The following SPATA13 variants were observed in gnomAD, a reference collection of about 807,000 sequenced individuals.
SPATA13 encodes the protein spermatogenesis-associated protein 13.
SPATA13 carries 50 observed loss-of-function variants against 104.0 expected under a neutral mutation model. The ratio of observed to expected loss-of-function variants is 0.48; its 90% CI spans 0.38 to 0.61. SPATA13 has a LOEUF of 0.61. Among genes scored for constraint, SPATA13 ranks in the 20% least tolerant of loss-of-function variants. The probability of loss-of-function intolerance (pLI) is 0.00; values close to 1 mark genes in which losing one functional copy is unlikely to be tolerated. For missense variants in SPATA13, 1,524 were observed against 1,690.6 expected (o/e 0.90, Z 1.73); for synonymous variants, 606 against 667.5 (o/e 0.91, Z 1.42).
At chr13:24,301,096 C>T (rs915723748) in intron 12 of SPATA13, among the ~76,000 whole-genome samples, 5 of 152,132 alleles carry the variant, frequency 3.3e-5, no homozygotes, top group Non-Finnish European at 7.3e-5. Context: ...TTTGTCCACA[C>T]AAATCTGGCC....
At chr13:24,023,089 C>T (rs959740495) in intron 3 of SPATA13, among the ~76,000 whole-genome samples, 5 of 152,112 alleles carry the variant, frequency 3.3e-5, no homozygotes, top group Admixed American at 2.6e-4. Flanking sequence ...TCCCTCCCCT[C>T]ACCTCCCACC....
intron 3 of SPATA13, chr13:24,123,461 T>C: frequency 1.9e-6 from 3 of 1,541,816 alleles, no homozygotes; most frequent in Non-Finnish European, 2.7e-6. Flanking sequence ...TATAGATCTT[T>C]TTCTTCAGAA....
In SPATA13 at chr13:24,160,794, C is replaced by G. The variant is rs1882440028; in HGVS notation, c.-250C>G. 1.0e-6 allele frequency: 1 copy of G among 985,492 alleles called. No homozygotes were observed. Among genetic ancestry groups the G allele is most frequent in the Non-Finnish European group, 1.2e-6 (1 of 829,998 alleles). 61.0% of individuals were successfully genotyped at this position (985,492 alleles called of 1,614,324 possible). A position where few individuals can be genotyped will look rare whatever the true frequency, so the allele number is the denominator to read the frequency against. On this transcript the variant is annotated 5_prime_UTR_variant, in exon 1 of 13. Coordinates refer to ENST00000382108, the MANE Select transcript of SPATA13 (RefSeq NM_001166271.3). ...GCGATCGCCCTGCCGGTCGCTAGCT[C>G]CGAGGGCGCGCACTGGATCCCAGGC... is the stretch of plus-strand genomic sequence containing the variant.
At position 24,284,205 on chromosome 13, in the gene SPATA13, T is replaced by C; in HGVS notation, c.2235T>C (p.Tyr745=). Residue 745 remains tyrosine, a synonymous_variant, in exon 5 of 13, where the codon TAT becomes TAC. Transcript: ENST00000382108. ...DDNGSEEDFS[Y]EDLCQASPRY... ...ACGGTAGTGAGGAGGACTTCAGCTA[T>C]GAAGACCTCTGCCAGGCCAGCCCTC... is the stretch of plus-strand genomic sequence containing the variant. The C allele has an allele frequency of 1.1e-5, 17 of 1,613,826 alleles. No homozygotes were observed. Among genetic ancestry groups the C allele is most frequent in the Non-Finnish European group, 1.4e-5 (16 of 1,179,928 alleles).
At chr13:24,269,741 A>T (rs1297608176) in intron 4 of SPATA13, among the ~76,000 whole-genome samples, 4 of 75,912 alleles carry the variant, frequency 5.3e-5, no homozygotes, top group Admixed American at 1.9e-4. Flanking sequence ...GCTAATATAA[A>T]TTTTTTTTTT....
At chr13:24,091,267 A>G (rs768143585) in intron 3 of SPATA13, among the ~76,000 whole-genome samples, 4 of 152,342 alleles carry the variant, frequency 2.6e-5, no homozygotes, top group Middle Eastern at 3.4e-3. Flanking sequence ...AGCCGTGCAC[A>G]TGGGTGTGGC....
chr13:24,274,967 A>C (rs12870498), intron 4 of SPATA13, among the ~76,000 whole-genome samples: 23,046 of 152,066 alleles, frequency 0.15, 1,943 homozygotes, highest in Middle Eastern at 0.27. Context: ...CCTCCCTTTC[A>C]TTTAACAGAA....
At chr13:24,256,760 T>A (rs1184382327) in intron 4 of SPATA13, among the ~76,000 whole-genome samples, 1 of 152,224 alleles carries the variant, frequency 6.6e-6, no homozygotes, top group Non-Finnish European at 1.5e-5. Context: ...GCCTGAGTCA[T>A]GTTTGTAGGC....
At chr13:24,230,126 A>C (rs9580901) in intron 2 of SPATA13, among the ~76,000 whole-genome samples, 3,257 of 152,290 alleles carry the variant, frequency 0.021, 127 homozygotes, top group African/African-American at 0.074. Flanking sequence ...AACAGGAAGT[A>C]ATGTAATTTG....
intron 2 of SPATA13, among the ~76,000 whole-genome samples, chr13:24,005,041 A>T (rs928643860): frequency 6.6e-6 from 1 of 152,224 alleles, no homozygotes; most frequent in Non-Finnish European, 1.5e-5. Flanking sequence ...CATATAGGTT[A>T]TCTTTGCCAC....
At position 24,303,086 on chromosome 13, in the gene SPATA13, C is replaced by T. The variant is rs2138783917; in HGVS notation, c.*313C>T. The T allele has an allele frequency of 4.8e-6, 2 of 417,936 alleles. No homozygotes were observed. The highest frequency in any genetic ancestry group is 9.0e-6 in the Non-Finnish European group (2 of 221,296). 25.9% of individuals were successfully genotyped at this position (417,936 alleles called of 1,614,324 possible). On this transcript the variant is annotated 3_prime_UTR_variant, in exon 13 of 13. Transcript: ENST00000382108. ...GTGATTAGGCAGCAGCTGAAGCCAC[C>T]CCTGCTGATGATGAGCAAGTGCCTG...
At chr13:24,037,218 GGGGA>G (rs1287199655) in intron 3 of SPATA13, among the ~76,000 whole-genome samples, 4 of 109,390 alleles carry the variant, frequency 3.7e-5, no homozygotes, top group Admixed American at 3.6e-4. Context: ...TGGGGGGAGG[GGGGA>G]GGGATGGCAT....
At chr13:23,996,463 A>T (rs559941098) in intron 2 of SPATA13, among the ~76,000 whole-genome samples, 1 of 152,302 alleles carries the variant, frequency 6.6e-6, no homozygotes, top group South Asian at 2.1e-4. Context: ...AGAGTGACTG[A>T]ACTGGGGCTG....
chr13:24,081,523 A>C (rs79533144), intron 3 of SPATA13, among the ~76,000 whole-genome samples: 1,847 of 151,932 alleles, frequency 0.012, 34 homozygotes, highest in African/African-American at 0.042. Context: ...TAAAAAAAAA[A>C]GCTGGCCCAG....
intron 4 of SPATA13, chr13:24,278,659 A>G: frequency 1.3e-6 from 2 of 1,506,062 alleles, no homozygotes; most frequent in South Asian, 2.7e-5. Context: ...AAAGCACACC[A>G]ATAACAAGTA....
intron 1 of SPATA13, among the ~76,000 whole-genome samples, chr13:24,184,910 G>A (rs933518423): frequency 2.0e-5 from 3 of 152,184 alleles, no homozygotes; most frequent in African/African-American, 7.2e-5. Flanking sequence ...TCAAGCGACG[G>A]AGTCTACGGA....
intron 3 of SPATA13, among the ~76,000 whole-genome samples, chr13:24,082,408 A>T (rs1341764026): frequency 6.6e-6 from 1 of 152,136 alleles, no homozygotes; most frequent in Non-Finnish European, 1.5e-5. Context: ...CGGGGAGGGT[A>T]ACACTGATGG....
At chr13:24,258,850 G>T (rs1294460492) in intron 4 of SPATA13, among the ~76,000 whole-genome samples, 3 of 152,188 alleles carry the variant, frequency 2.0e-5, no homozygotes, top group Non-Finnish European at 4.4e-5. Flanking sequence ...TTCTACCACA[G>T]AAACAGGTCC....
rs11421515 is a variant in SPATA13 at position 24,107,237 on chromosome 13, C to CAAA, written c.-112+89561_-112+89563dup. Among the ~76,000 whole-genome samples the CAAA allele has an allele frequency of 6.4e-4, 22 of 34,260 alleles. 5 individuals carry two copies. The highest frequency in any genetic ancestry group is 1.2e-3 in the Admixed American group (2 of 1,730). 22.5% of individuals were successfully genotyped at this position (34,260 alleles called of 152,430 possible). ...CTCAAGTGCCCTTTTGAACAAGAGG[C>CAAA]AAAAAAAAAAAAAAAAAAAAAAAAA... is the stretch of plus-strand genomic sequence containing the variant. On this transcript the variant is annotated intron_variant, in intron 3 of 14. Transcript: ENST00000424834.
Sources: gnomAD v4.1 joint callset for allele counts (sites outside exome capture counted in the v4.1 genomes callset) on GRCh38, gnomAD v4.1.1 for gene constraint, MANE v1.5 for transcripts, NCBI Gene and HGNC (gene_info 2026-07-23, HGNC 2026-07-21) for gene names.